Variants in ZDHHC2 observed in about 807,000 individuals in gnomAD.
The protein encoded by ZDHHC2 is zDHHC palmitoyltransferase 2.
ZDHHC2 carries 51 observed loss-of-function variants against 55.6 expected under a neutral mutation model. The observed-to-expected ratio is 0.92, with a 90% confidence interval of 0.73 to 1.16. ZDHHC2 has a LOEUF of 1.16. Ranked by LOEUF, ZDHHC2 falls within the 50% of genes most tolerant of loss-of-function variation. ZDHHC2 has a pLI of 0.00. For missense variants in ZDHHC2, 491 were observed against 442.4 expected (o/e 1.11, Z -0.99); for synonymous variants, 199 against 152.9 (o/e 1.30, Z -2.22).
intron 3 of ZDHHC2, among the ~76,000 whole-genome samples, chr8:17,193,732 C>T (rs1806157902): frequency 6.6e-6 from 1 of 152,154 alleles, no homozygotes; most frequent in African/African-American, 2.4e-5. Flanking sequence ...TGTACCTGTT[C>T]CCATTTTTTA....
intron 6 of ZDHHC2, among the ~76,000 whole-genome samples, chr8:17,199,850 C>T (rs1806650832): frequency 6.6e-6 from 1 of 151,096 alleles, no homozygotes; most frequent in Non-Finnish European, 1.5e-5. Flanking sequence ...ACCTCTGCCT[C>T]CCGGGTTCAA....
intron 3 of ZDHHC2, among the ~76,000 whole-genome samples, chr8:17,193,201 T>G (rs1806122393): frequency 6.6e-6 from 1 of 152,210 alleles, no homozygotes; most frequent in African/African-American, 2.4e-5. Context: ...GGGAAGGCTT[T>G]CCAGGTTAGG....
chr8:17,209,511 A>G (rs1228855048), intron 8 of ZDHHC2, among the ~76,000 whole-genome samples: 1 of 152,168 alleles, frequency 6.6e-6, no homozygotes, highest in Non-Finnish European at 1.5e-5. Flanking sequence ...GGATTTACTT[A>G]AAAACAAAGG....
intron 5 of ZDHHC2, among the ~76,000 whole-genome samples, chr8:17,198,035 T>C (rs749644115): frequency 1.1e-4 from 17 of 152,338 alleles, no homozygotes; most frequent in East Asian, 1.9e-4. Flanking sequence ...AGGATTGATA[T>C]TGAAGGGGAA....
At chr8:17,168,838 T>A (rs1265364645) in intron 1 of ZDHHC2, among the ~76,000 whole-genome samples, 1 of 152,180 alleles carries the variant, frequency 6.6e-6, no homozygotes, top group Non-Finnish European at 1.5e-5. Context: ...TTTTTCAAAG[T>A]TCACCTGTGT....
intron 3 of ZDHHC2, 73 bp downstream of exon 3, chr8:17,186,498 T>A (rs1805719752): frequency 1.1e-6 from 1 of 915,738 alleles, no homozygotes; most frequent in Non-Finnish European, 1.5e-6. Flanking sequence ...GAAGAACGAA[T>A]TTTATTTTAA....
chr8:17,160,646 T>A (rs955356045), intron 1 of ZDHHC2, among the ~76,000 whole-genome samples: 1 of 152,232 alleles, frequency 6.6e-6, no homozygotes, highest in Non-Finnish European at 1.5e-5. Context: ...AGCAACTCTT[T>A]TTAACTTTAT....
chr8:17,161,434 A>C (rs1804338355), intron 1 of ZDHHC2, among the ~76,000 whole-genome samples: 1 of 152,240 alleles, frequency 6.6e-6, no homozygotes, highest in Admixed American at 6.5e-5. Context: ...ATGCAAAAGT[A>C]ATTGCAGTTT....
chr8:17,217,873 T>C (rs895252100), intron 12 of ZDHHC2, among the ~76,000 whole-genome samples: 1 of 152,156 alleles, frequency 6.6e-6, no homozygotes, highest in Non-Finnish European at 1.5e-5. Context: ...AAAGCTACAA[T>C]AAGGAACCCC....
chr8:17,184,868 T>A, intron 2 of ZDHHC2, 53 bp downstream of exon 2: 2 of 1,424,474 alleles, frequency 1.4e-6, no homozygotes, highest in Non-Finnish European at 1.9e-6. Context: ...TGAAAAAAAA[T>A]TGTATTCACT....
intron 1 of ZDHHC2, among the ~76,000 whole-genome samples, chr8:17,183,072 C>T (rs1563150166): frequency 6.6e-6 from 1 of 152,132 alleles, no homozygotes; most frequent in Non-Finnish European, 1.5e-5. Context: ...CCTAACTATA[C>T]CTTTTTCAAA....
rs1245182651 is a variant in ZDHHC2 at position 17,222,570 on chromosome 8, T to C, written c.*2349T>C. On this transcript the variant is annotated 3_prime_UTR_variant, in exon 13 of 13. Coordinates refer to ENST00000262096, the MANE Select transcript of ZDHHC2 (RefSeq NM_016353.5). ...AAGAAATTTTGCATTAAAAATAGTG[T>C]ACCAATGCTTCATATACGTTAGTTA... 1 of 151,884 alleles carries C rather than the reference T, an allele frequency of 6.6e-6. No individual in the cohort carries two copies. Among genetic ancestry groups the C allele is most frequent in the Non-Finnish European group, 1.5e-5 (1 of 67,796 alleles). The allele number at this position is 151,884 out of a possible 1,614,324, so 9.4% of individuals were successfully genotyped here. A position where few individuals can be genotyped will look rare whatever the true frequency, so the allele number is the denominator to read the frequency against.
In ZDHHC2 at chr8:17,195,142, ATTTATTCATTGAGTTATG is replaced by A. The variant is rs1283493779; in HGVS notation, c.253-350_253-333del. ...TTGTTCTTAATGATCTAAATGAAAA[ATTTATTCATTGAGTTATG>A]TTTATTCATTGGGCCATCTTATCTA... On this transcript the variant is annotated intron_variant, in intron 3 of 12. Transcript: ENST00000262096. Among the ~76,000 whole-genome samples, 6 of 152,274 alleles carry A rather than the reference ATTTATTCATTGAGTTATG, an allele frequency of 3.9e-5. No individual in the cohort carries two copies. In the East Asian group the frequency reaches 1.2e-3, roughly 29 times the overall value.
intron 6 of ZDHHC2, among the ~76,000 whole-genome samples, chr8:17,199,400 C>T (rs370238093): frequency 4.0e-5 from 6 of 151,784 alleles, no homozygotes; most frequent in African/African-American, 9.7e-5. Flanking sequence ...GCCCCCCTGC[C>T]CCCAGTTTTC....
chr8:17,184,381 A>G (rs1805598031), intron 1 of ZDHHC2, among the ~76,000 whole-genome samples: 1 of 152,360 alleles, frequency 6.6e-6, no homozygotes, highest in Admixed American at 6.5e-5. Context: ...CTTTGTGGAA[A>G]GCTCACCAGG....
intron 3 of ZDHHC2, among the ~76,000 whole-genome samples, chr8:17,190,951 C>CTTTTTTTTTTTTTTTTTT (rs10601402): frequency 3.8e-5 from 2 of 52,776 alleles, no homozygotes; most frequent in Admixed American, 2.8e-4. Context: ...CTTATTCATT[C>CTTTTTTTTTTTTTTTTTT]TTTTTTTTTT....
chr8:17,191,889 C>T (rs1806048126), intron 3 of ZDHHC2, among the ~76,000 whole-genome samples: 2 of 152,052 alleles, frequency 1.3e-5, no homozygotes, highest in Admixed American at 1.3e-4. Context: ...TTTGAGAAAC[C>T]CATCGTAGTA....
chr8:17,199,237 A>G (rs1806490814), intron 6 of ZDHHC2, among the ~76,000 whole-genome samples: 1 of 152,188 alleles, frequency 6.6e-6, no homozygotes, highest in African/African-American at 2.4e-5. Context: ...GGTATCCTGT[A>G]TCTTTCACCA....
intron 10 of ZDHHC2, 22 bp from the exon 11 acceptor site, chr8:17,215,215 T>G: frequency 1.3e-6 from 2 of 1,542,480 alleles, no homozygotes; most frequent in Non-Finnish European, 1.8e-6. Context: ...ATGATTTTGA[T>G]GATTATTCAA....
Sources: allele counts gnomAD v4.1 joint callset (sites outside exome capture counted in the v4.1 genomes callset), GRCh38; gene constraint gnomAD v4.1.1; transcripts MANE v1.5; gene names NCBI Gene and HGNC (gene_info 2026-07-23, HGNC 2026-07-21).